The following LRP1B variants were observed in gnomAD, a reference collection of about 807,000 sequenced individuals.
LRP1B encodes LDL receptor related protein 1B.
A neutral mutation model predicts 556.6 loss-of-function variants in LRP1B; 217 were observed. That is an observed-to-expected ratio of 0.39 (90% CI 0.35 to 0.44). The LOEUF (loss-of-function observed/expected upper bound fraction) is 0.44, where lower values mean the gene tolerates loss of function less well. LRP1B is among the 20% of genes least tolerant of loss of function. The probability of loss-of-function intolerance (pLI) is 1.00; values close to 1 mark genes in which losing one functional copy is unlikely to be tolerated. For missense variants in LRP1B, 5,053 were observed against 5,620.8 expected, an observed-to-expected ratio of 0.90 and a Z score of 3.23; for synonymous variants, 2,047 against 1,865.8, an observed-to-expected ratio of 1.10 and a Z score of -2.50.
rs536540815 is a variant in LRP1B, at chr2:140,362,570, C to T, written c.11131+2091G>A. On this transcript the variant is annotated intron_variant, in intron 72 of 90. Coordinates refer to ENST00000389484, the MANE Select transcript of LRP1B (RefSeq NM_018557.3). ...GTGCCTGTAGCTACCTGGCTCTGTG[C>T]CCTCTGGGAACATGGATCCTTCAGT... is the stretch of plus-strand genomic sequence containing the variant. Among the ~76,000 whole-genome samples, 179 of 151,630 alleles carry T rather than the reference C, an allele frequency of 1.2e-3. 1 individual carries two copies. Among genetic ancestry groups the T allele is most frequent in the Non-Finnish European group, 1.2e-3 (84 of 67,774 alleles).
chr2:140,774,782 TTATTTTGATAC>T (rs1689433897), intron 33 of LRP1B, among the ~76,000 whole-genome samples: 1 of 152,164 alleles, frequency 6.6e-6, no homozygotes, highest in Non-Finnish European at 1.5e-5. Context: ...GGCAGTACAA[TTATTTTGATAC>T]AGAAAAAGTT....
chr2:142,127,406 T>TCCATCCATC (rs1707694248), intron 1 of LRP1B, among the ~76,000 whole-genome samples: 2 of 118,728 alleles, frequency 1.7e-5, no homozygotes, highest in Admixed American at 8.2e-5. Flanking sequence ...ATCCATCCAT[T>TCCATCCATC]CATCTTTTTC....
At chr2:141,806,667 A>G (rs1696177488) in intron 2 of LRP1B, among the ~76,000 whole-genome samples, 1 of 152,026 alleles carries the variant, frequency 6.6e-6, no homozygotes, top group Admixed American at 6.6e-5. Flanking sequence ...GCACAAACAC[A>G]CACAGAAGAG....
At chr2:141,881,112 A>T (rs1048637009) in intron 1 of LRP1B, among the ~76,000 whole-genome samples, 1 of 152,128 alleles carries the variant, frequency 6.6e-6, no homozygotes, top group African/African-American at 2.4e-5. Context: ...AAGAATATCA[A>T]TCTAAAGATG....
chr2:141,886,953 T>C (rs1294631399), intron 1 of LRP1B, among the ~76,000 whole-genome samples: 1 of 94,270 alleles, frequency 1.1e-5, no homozygotes, highest in Non-Finnish European at 2.0e-5. Context: ...GGATGGTTGA[T>C]TTTTCTTTTT....
intron 43 of LRP1B, among the ~76,000 whole-genome samples, chr2:140,592,935 G>GAC (rs10594387): frequency 0.2 from 29,234 of 148,782 alleles, 2,870 homozygotes; most frequent in East Asian, 0.27. Flanking sequence ...GTGAGATCCT[G>GAC]ACACACACAC....
chr2:141,903,614 C>T (rs1033965178), intron 1 of LRP1B, among the ~76,000 whole-genome samples: 8 of 151,896 alleles, frequency 5.3e-5, no homozygotes, highest in Admixed American at 6.6e-5. Context: ...AATAATTAAT[C>T]TATTTTGCTC....
At chr2:141,088,396 G>A (rs933025336) in intron 7 of LRP1B, among the ~76,000 whole-genome samples, 6 of 152,190 alleles carry the variant, frequency 3.9e-5, no homozygotes, top group Middle Eastern at 3.4e-3. Flanking sequence ...CCTAAAAAGT[G>A]AAATAAAAAC....
chr2:140,418,649 T>G (rs756012642), intron 66 of LRP1B, among the ~76,000 whole-genome samples: 4 of 151,684 alleles, frequency 2.6e-5, no homozygotes, highest in Non-Finnish European at 4.4e-5. Context: ...GCAACACACT[T>G]TGGGGGTCGG....
Position 140,732,064 on chromosome 2 carries a change from T to C in LRP1B, c.5759-15248A>G, listed in dbSNP as rs187403771. Among the ~76,000 whole-genome samples the C allele has an allele frequency of 1.5e-3, 233 of 152,226 alleles. 2 individuals carry two copies. Among genetic ancestry groups the C allele is most frequent in the African/African-American group, 4.8e-3 (199 of 41,556 alleles). On this transcript the variant is annotated intron_variant, in intron 35 of 90. Coordinates refer to ENST00000389484, the MANE Select transcript of LRP1B (RefSeq NM_018557.3). The stretch of plus-strand genomic sequence containing the variant: ...ATTGTCTCATATTGTTTAGAATAAC[T>C]CAATAATGAAATTATGTGATGTCTT...
intron 66 of LRP1B, among the ~76,000 whole-genome samples, chr2:140,420,525 A>G (rs1685391784): frequency 6.6e-6 from 1 of 152,244 alleles, no homozygotes; most frequent in Admixed American, 6.5e-5. Flanking sequence ...CAGAGTAAAG[A>G]AGTTATATGT....
chr2:141,584,750 C>G lies in LRP1B; in HGVS notation c.206-104217G>C, dbSNP rs1687076938. Among the ~76,000 whole-genome samples the G allele has an allele frequency of 2.6e-5, 4 of 152,192 alleles. No individual in the cohort carries two copies. In the South Asian group the frequency reaches 8.3e-4, roughly 32 times the overall value. ...AGGCAAAATTCTGCAACATGGATGA[C>G]TCTTGAGGACGTTATGTTAAGTGAA... On this transcript the variant is annotated intron_variant, in intron 2 of 90. Coordinates refer to ENST00000389484, the MANE Select transcript of LRP1B (RefSeq NM_018557.3).
intron 2 of LRP1B, among the ~76,000 whole-genome samples, chr2:141,798,376 T>A (rs1169969978): frequency 1.3e-5 from 2 of 152,062 alleles, no homozygotes; most frequent in African/African-American, 4.8e-5. Context: ...TAACAAGTAA[T>A]CTTTATGAGA....
chr2:140,587,532 A>C (rs1292060902), intron 43 of LRP1B, among the ~76,000 whole-genome samples: 1 of 152,206 alleles, frequency 6.6e-6, no homozygotes, highest in African/African-American at 2.4e-5. Context: ...TCAGACTCTT[A>C]TTAGTAGAGA....
rs145164217 is a variant in LRP1B at position 141,394,193 on chromosome 2, C to T, written c.343+86203G>A. On this transcript the variant is annotated intron_variant, in intron 3 of 90. Transcript: ENST00000389484. ...TGTTAACTGCATAATAAGAAATCAT[C>T]TCATATAAAGTTCAATTTTTACTTT... Among the ~76,000 whole-genome samples, 631 of 152,182 alleles carry T rather than the reference C, an allele frequency of 4.1e-3. 6 individuals carry two copies. The highest frequency in any genetic ancestry group is 0.014 in the African/African-American group (565 of 41,542).
intron 40 of LRP1B, among the ~76,000 whole-genome samples, chr2:140,701,083 A>C (rs1293871904): frequency 1.3e-5 from 2 of 152,104 alleles, no homozygotes; most frequent in Non-Finnish European, 2.9e-5. Context: ...TCTTACTCCA[A>C]TTTTAAGTGA....
chr2:140,932,001 T>A (rs72990163), intron 20 of LRP1B, among the ~76,000 whole-genome samples: 1 of 152,288 alleles, frequency 6.6e-6, no homozygotes, highest in African/African-American at 2.4e-5. Context: ...TTTACCAGTG[T>A]GCTTAGTGGT....
chr2:140,361,546 T>G (rs1425811525), intron 72 of LRP1B, among the ~76,000 whole-genome samples: 1 of 150,912 alleles, frequency 6.6e-6, no homozygotes, highest in Non-Finnish European at 1.5e-5. Flanking sequence ...TTTCTGGAAC[T>G]CATTTTCCCA....
chr2:141,805,626 G>T (rs1364951742), intron 2 of LRP1B: 1 of 152,038 alleles, frequency 6.6e-6, no homozygotes, highest in African/African-American at 2.4e-5. Flanking sequence ...TTTCAGCTAC[G>T]CTACTACAAC....
Sources: gnomAD v4.1 joint callset for allele counts (sites outside exome capture counted in the v4.1 genomes callset) on GRCh38, gnomAD v4.1.1 for gene constraint, MANE v1.5 for transcripts, NCBI Gene and HGNC (gene_info 2026-07-23, HGNC 2026-07-21) for gene names.